TTLL7: variants seen among roughly 807,000 people sequenced by gnomAD.
TTLL7 encodes tubulin tyrosine ligase like 7.
A neutral mutation model predicts 120.2 loss-of-function variants in TTLL7; 53 were observed. The ratio of observed to expected loss-of-function variants is 0.44; its 90% CI spans 0.35 to 0.55. The LOEUF is 0.55. TTLL7 is among the 20% of genes least tolerant of loss of function. The pLI is 0.00. For missense variants in TTLL7, 803 were observed against 1,054.7 expected, an observed-to-expected ratio of 0.76 and a Z score of 3.31; for synonymous variants, 353 against 351.7, an observed-to-expected ratio of 1.00 and a Z score of -0.04.
At chr1:83,961,377 T>C (rs1650004702) in intron 1 of TTLL7, among the ~76,000 whole-genome samples, 1 of 152,050 alleles carries the variant, frequency 6.6e-6, no homozygotes, top group Non-Finnish European at 1.5e-5. Context: ...AAAAGCCATA[T>C]GGAAAAAGGC....
intron 1 of TTLL7, among the ~76,000 whole-genome samples, chr1:83,961,398 T>C (rs181684486): frequency 1.1e-3 from 161 of 152,180 alleles, no homozygotes; most frequent in Middle Eastern, 3.4e-3. Context: ...AAATGTATAG[T>C]ATGTGTAATT....
At chr1:83,919,622 G>T in intron 13 of TTLL7, 77 bp downstream of exon 13, 2 of 1,322,306 alleles carry the variant, frequency 1.5e-6, no homozygotes, top group South Asian at 3.5e-5. Flanking sequence ...TTATATGTCG[G>T]ACCAAGGTGG....
chr1:83,991,651 A>G (rs1465220930), intron 1 of TTLL7, among the ~76,000 whole-genome samples: 2 of 152,096 alleles, frequency 1.3e-5, no homozygotes, highest in Non-Finnish European at 2.9e-5. Flanking sequence ...CTCAAAAAAG[A>G]AAATATATAT....
At chr1:83,917,525 C>G in intron 14 of TTLL7, 79 bp downstream of exon 14, 1 of 1,048,286 alleles carries the variant, frequency 9.5e-7, no homozygotes, top group Non-Finnish European at 1.4e-6. Flanking sequence ...AAAGCAGCAC[C>G]AGTCTTTCTT....
intron 19 of TTLL7, among the ~76,000 whole-genome samples, chr1:83,888,675 G>A (rs1655176084): frequency 6.6e-6 from 1 of 151,840 alleles, no homozygotes; most frequent in African/African-American, 2.4e-5. Flanking sequence ...TTCAGAGGAA[G>A]AAAACGACAA....
intron 12 of TTLL7, 145 bp downstream of exon 12, chr1:83,920,942 T>C (rs1201419466): frequency 1.2e-6 from 1 of 866,516 alleles, no homozygotes; most frequent in Non-Finnish European, 1.7e-6. Context: ...GCTGACTACC[T>C]TTCTTTCTGA....
intron 1 of TTLL7, among the ~76,000 whole-genome samples, chr1:83,995,419 A>C (rs1653390234): frequency 6.6e-6 from 1 of 151,378 alleles, no homozygotes. Context: ...GAGTTCTCAC[A>C]AGATCTGGTC....
intron 8 of TTLL7, among the ~76,000 whole-genome samples, chr1:83,935,475 T>C (rs948357985): frequency 1.3e-5 from 2 of 151,980 alleles, no homozygotes; most frequent in East Asian, 1.9e-4. Flanking sequence ...CAACATAATA[T>C]CACTGCTTTA....
At chr1:83,873,314 T>C (rs1391348705) in intron 20 of TTLL7, among the ~76,000 whole-genome samples, 1 of 152,192 alleles carries the variant, frequency 6.6e-6, no homozygotes, top group Non-Finnish European at 1.5e-5. Flanking sequence ...AATGGATTAT[T>C]TGCCTTAATA....
chr1:83,908,377 G>A (rs1657386944), intron 15 of TTLL7, among the ~76,000 whole-genome samples: 1 of 152,038 alleles, frequency 6.6e-6, no homozygotes, highest in African/African-American at 2.4e-5. Context: ...TATCCTAACG[G>A]AGTTTAAATA....
In TTLL7 at chr1:83,916,971, T is replaced by C. The variant is rs1241674500; in HGVS notation, c.1587+633A>G. On this transcript the variant is annotated intron_variant, in intron 14 of 20. Transcript: ENST00000260505. ...TTTTAATTAGCCAGGCATGGTGGCATGTGCCTGTAATCCCAGCTACTCAGG... is the reference window on the plus strand; with the variant it reads ...TTTTAATTAGCCAGGCATGGTGGCACGTGCCTGTAATCCCAGCTACTCAGG... Among the ~76,000 whole-genome samples the C allele has an allele frequency of 2.6e-5, 4 of 151,986 alleles. No individual in the cohort carries two copies. The East Asian group carries it at 5.8e-4, about 22-fold the overall frequency.
intron 12 of TTLL7, chr1:83,920,474 T>C (rs77003746): frequency 0.028 from 4,356 of 152,868 alleles, 67 homozygotes; most frequent in Middle Eastern, 0.082. Flanking sequence ...GAGGAATGTG[T>C]TCTTATCACT....
intron 4 of TTLL7, chr1:83,949,301 G>A (rs1648803907): frequency 6.9e-6 from 1 of 145,818 alleles, no homozygotes; most frequent in Non-Finnish European, 1.5e-5. Context: ...AGGAAGAGGT[G>A]TTTTTTTTGT....
intron 7 of TTLL7, among the ~76,000 whole-genome samples, chr1:83,938,854 C>T (rs909528629): frequency 1.3e-5 from 2 of 152,154 alleles, no homozygotes; most frequent in African/African-American, 2.4e-5. Flanking sequence ...AGCAATGTTA[C>T]ATCACAATTA....
At chr1:83,986,064 G>A (rs1399724347) in intron 1 of TTLL7, among the ~76,000 whole-genome samples, 2 of 152,138 alleles carry the variant, frequency 1.3e-5, no homozygotes, top group Non-Finnish European at 2.9e-5. Context: ...CATTTTATGA[G>A]ATCAATAGTA....
rs751522589 is a variant in TTLL7, at chr1:83,906,416, T to C, written c.2040A>G (p.Leu680=). ...QLKTKEQEDD[L]TSQTLFVLKD... The stretch of plus-strand genomic sequence containing the variant: ...TGAGAACAAATAAGGTCTGACTTGT[T>C]AGATCATCTTCTTGTTCTTTTGTTT... The change falls in exon 17 of 21, where the codon CTA becomes CTG. Residue 680 remains leucine (L), a synonymous_variant. Coordinates refer to ENST00000260505, the MANE Select transcript of TTLL7 (RefSeq NM_024686.6). 6.2e-6 allele frequency: 10 copies of C among 1,612,404 alleles called. No homozygotes were observed. Among genetic ancestry groups the C allele is most frequent in the South Asian group, 4.4e-5 (4 of 90,994 alleles).
At chr1:83,883,337 C>T (rs1178067433) in intron 19 of TTLL7, among the ~76,000 whole-genome samples, 1 of 151,960 alleles carries the variant, frequency 6.6e-6, no homozygotes, top group Non-Finnish European at 1.5e-5. Flanking sequence ...ACATCAAATA[C>T]ATATACTATT....
chr1:83,958,425 T>G (rs1649718177), intron 1 of TTLL7, among the ~76,000 whole-genome samples: 1 of 152,176 alleles, frequency 6.6e-6, no homozygotes, highest in African/African-American at 2.4e-5. Context: ...AAGCTTTTAC[T>G]TTGAGGCAAA....
At chr1:83,993,027 A>C (rs1488797227) in intron 1 of TTLL7, among the ~76,000 whole-genome samples, 2 of 152,178 alleles carry the variant, frequency 1.3e-5, no homozygotes, top group Non-Finnish European at 2.9e-5. Flanking sequence ...ATGACAAAAT[A>C]CACATGAAAA....
Sources: allele counts gnomAD v4.1 joint callset (sites outside exome capture counted in the v4.1 genomes callset), GRCh38; gene constraint gnomAD v4.1.1; transcripts MANE v1.5; gene names NCBI Gene and HGNC (gene_info 2026-07-23, HGNC 2026-07-21).